CSTA: variants seen among roughly 807,000 people sequenced by gnomAD.
CSTA encodes cystatin A, also known as cystatin-A.
In CSTA, 9 loss-of-function variants were observed where a neutral mutation model predicts 9.2. The observed-to-expected ratio is 0.97, with a 90% CI of 0.59 to 1.70. The LOEUF (loss-of-function observed/expected upper bound fraction) is 1.70, where lower values mean the gene tolerates loss of function less well. CSTA is among the 40% of genes most tolerant of loss of function. The pLI is 0.00. For missense variants in CSTA, 118 were observed against 113.1 expected (o/e 1.04, Z -0.20); for synonymous variants, 36 against 40.6 (o/e 0.89, Z 0.43).
rs560631144 is a variant in CSTA, at chr3:122,339,071, T to C, written c.168+1423T>C. On this transcript the variant is annotated intron_variant, in intron 2 of 2. Coordinates refer to ENST00000264474, the MANE Select transcript of CSTA (RefSeq NM_005213.4). ...CCTTTGCTCTGAGGCACTCTAGATT[T>C]AAGGTCTTGCCAGTGATGTGACCTT... Among the ~76,000 whole-genome samples, 5 of 152,304 alleles carry C rather than the reference T, an allele frequency of 3.3e-5. No homozygotes were observed. In the South Asian group the frequency reaches 1.0e-3, roughly 32 times the overall value.
intron 1 of CSTA, among the ~76,000 whole-genome samples, chr3:122,334,220 C>T (rs563594804): frequency 2.7e-4 from 41 of 152,282 alleles, no homozygotes; most frequent in Admixed American, 1.3e-3. Flanking sequence ...ACACTTTTCC[C>T]GTCTATTCTC....
intron 1 of CSTA, among the ~76,000 whole-genome samples, chr3:122,333,950 T>TG (rs538380435): frequency 4.6e-5 from 7 of 152,220 alleles, no homozygotes; most frequent in Non-Finnish European, 8.8e-5. Context: ...ATGGATACTT[T>TG]GGGGGTTAGT....
intron 1 of CSTA, among the ~76,000 whole-genome samples, chr3:122,336,800 CACA>C (rs2075239305): frequency 6.6e-6 from 1 of 152,172 alleles, no homozygotes; most frequent in African/African-American, 2.4e-5. Flanking sequence ...TGCACTTAAG[CACA>C]ACATCACGTT....
intron 1 of CSTA, among the ~76,000 whole-genome samples, chr3:122,329,105 A>G (rs2075187473): frequency 6.7e-6 from 1 of 149,310 alleles, no homozygotes; most frequent in Non-Finnish European, 1.5e-5. Context: ...AGGTGGGACT[A>G]CAGGCGCCCG....
chr3:122,330,353 AC>A (rs2075197016), intron 1 of CSTA, among the ~76,000 whole-genome samples: 1 of 152,206 alleles, frequency 6.6e-6, no homozygotes, highest in South Asian at 2.1e-4. Flanking sequence ...CAACTGAAGA[AC>A]CCCATTAGAA....
intron 1 of CSTA, among the ~76,000 whole-genome samples, chr3:122,330,334 G>C (rs72971295): frequency 0.016 from 2,483 of 152,296 alleles, 66 homozygotes; most frequent in African/African-American, 0.058. Flanking sequence ...GAGCTTCTTA[G>C]TGGAAGGCCA....
chr3:122,336,266 T>A (rs2075237055), intron 1 of CSTA, among the ~76,000 whole-genome samples: 1 of 152,070 alleles, frequency 6.6e-6, no homozygotes, highest in South Asian at 2.1e-4. Flanking sequence ...CAAGGAAACT[T>A]CAAGATAAAC....
chr3:122,336,603 T>C (rs1374766178), intron 1 of CSTA, among the ~76,000 whole-genome samples: 1 of 152,198 alleles, frequency 6.6e-6, no homozygotes, highest in Non-Finnish European at 1.5e-5. Context: ...ATCATTGTTG[T>C]AGGCAAGAAC....
At chr3:122,327,482 TTG>T (rs2075177606) in intron 1 of CSTA, among the ~76,000 whole-genome samples, 1 of 141,390 alleles carries the variant, frequency 7.1e-6, no homozygotes, top group African/African-American at 2.7e-5. Context: ...TGAGCCGAGA[TTG>T]CACCACTGCA....
At chr3:122,329,789 T>G (rs2075193576) in intron 1 of CSTA, among the ~76,000 whole-genome samples, 1 of 152,220 alleles carries the variant, frequency 6.6e-6, no homozygotes. Context: ...TTAAGTGCTT[T>G]TTTTATAATC....
Position 122,341,682 on chromosome 3 carries a change from A to G in CSTA, c.*115A>G. 7.7e-7 allele frequency: 1 copy of G among 1,294,544 alleles called. No homozygotes were observed. The highest frequency in any genetic ancestry group is 1.1e-6 in the Non-Finnish European group (1 of 907,360). The allele number at this position is 1,294,544 out of a possible 1,614,324, so 80.2% of individuals were successfully genotyped here. A position where few individuals can be genotyped will look rare whatever the true frequency, so the allele number is the denominator to read the frequency against. On this transcript the variant is annotated 3_prime_UTR_variant, in exon 3 of 3. Transcript: ENST00000264474. ...CTTTTCCAAAGAAATTATTTCTTCAATTATTTCTCATTTATTGTATTAAGC... is the reference window on the plus strand; with the variant it reads ...CTTTTCCAAAGAAATTATTTCTTCAGTTATTTCTCATTTATTGTATTAAGC...
chr3:122,328,842 G>A (rs1389518402), intron 1 of CSTA, among the ~76,000 whole-genome samples: 2 of 151,790 alleles, frequency 1.3e-5, no homozygotes, highest in Admixed American at 6.6e-5. Context: ...TCAGGAGGCT[G>A]AGGCAGGAGA....
At chr3:122,335,234 G>A (rs1218588124) in intron 1 of CSTA, among the ~76,000 whole-genome samples, 2 of 152,138 alleles carry the variant, frequency 1.3e-5, no homozygotes, top group Non-Finnish European at 2.9e-5. Flanking sequence ...ACAGAATGAT[G>A]GCCCTCCAAA....
chr3:122,339,437 T>G (rs2107668871), intron 2 of CSTA, among the ~76,000 whole-genome samples: 1 of 152,254 alleles, frequency 6.6e-6, no homozygotes, highest in South Asian at 2.1e-4. Flanking sequence ...AGTTCCAGGG[T>G]GGTGAAGAAA....
intron 2 of CSTA, chr3:122,338,127 T>G (rs1413427421): frequency 1.3e-5 from 2 of 157,096 alleles, no homozygotes; most frequent in African/African-American, 4.8e-5. Context: ...ATTAATATAA[T>G]GTAAATACTA....
At chr3:122,339,234 T>C (rs1286207279) in intron 2 of CSTA, among the ~76,000 whole-genome samples, 1 of 152,234 alleles carries the variant, frequency 6.6e-6, no homozygotes. Context: ...TGAGCCTTCA[T>C]TCCCTTATCT....
chr3:122,330,069 G>T (rs2075195404), intron 1 of CSTA, among the ~76,000 whole-genome samples: 1 of 152,144 alleles, frequency 6.6e-6, no homozygotes, highest in East Asian at 1.9e-4. Flanking sequence ...CAAGAGGCAG[G>T]TATTATTATA....
chr3:122,330,192 C>G (rs2075196188), intron 1 of CSTA, among the ~76,000 whole-genome samples: 1 of 152,220 alleles, frequency 6.6e-6, no homozygotes, highest in Non-Finnish European at 1.5e-5. Flanking sequence ...ACAATCTCCA[C>G]TACCTGTCAC....
intron 2 of CSTA, 194 bp downstream of exon 2, chr3:122,337,842 G>C (rs2075244236): frequency 1.7e-6 from 1 of 601,512 alleles, no homozygotes. Context: ...TGTGAATTCA[G>C]AAAGTTTTAT....
Sources: allele counts gnomAD v4.1 joint callset (sites outside exome capture counted in the v4.1 genomes callset), GRCh38; gene constraint gnomAD v4.1.1; transcripts MANE v1.5; gene names NCBI Gene and HGNC (gene_info 2026-07-23, HGNC 2026-07-21).